CADPS: variants seen among roughly 807,000 people sequenced by gnomAD.
CADPS encodes the protein calcium dependent secretion activator.
CADPS carries 57 observed loss-of-function variants against 167.3 expected under a neutral mutation model. That is an observed-to-expected ratio of 0.34 (90% CI 0.28 to 0.42). The LOEUF is 0.42. CADPS is among the 20% of genes least tolerant of loss of function. CADPS has a pLI of 1.00. For missense variants in CADPS, 1,414 were observed against 1,738.1 expected (o/e 0.81, Z 3.32); for synonymous variants, 676 against 635.3 (o/e 1.06, Z -0.96).
chr3:62,857,746 T>A (rs559595099), intron 1 of CADPS, among the ~76,000 whole-genome samples: 1 of 152,170 alleles, frequency 6.6e-6, no homozygotes, highest in Non-Finnish European at 1.5e-5. Context: ...ATTAGGTGAC[T>A]TTTTAAAATT....
chr3:62,494,474 TTTAG>T (rs1391333604), intron 18 of CADPS, among the ~76,000 whole-genome samples: 1 of 152,214 alleles, frequency 6.6e-6, no homozygotes, highest in African/African-American at 2.4e-5. Context: ...GTACTTATTC[TTTAG>T]TTATTCAACT....
rs1482501999 is a variant in CADPS, at chr3:62,458,560, C to T, written c.3636+6807G>A. Among the ~76,000 whole-genome samples the T allele has an allele frequency of 1.3e-5, 2 of 152,140 alleles. No individual in the cohort carries two copies. Among genetic ancestry groups the T allele is most frequent in the Non-Finnish European group, 1.5e-5 (1 of 68,036 alleles). ...CTGGAGTGAAGTGGCACGATTTCAG[C>T]TCACTACAACCTCCGCCTCCCGAGT... On this transcript the variant is annotated intron_variant, in intron 26 of 29. Transcript: ENST00000383710. The surrounding 1 kb of genome is among the most constrained non-coding windows in gnomAD (Gnocchi z 4.6).
At chr3:62,859,933 G>A (rs997091134) in intron 1 of CADPS, among the ~76,000 whole-genome samples, 5 of 152,102 alleles carry the variant, frequency 3.3e-5, no homozygotes, top group Admixed American at 1.3e-4. Flanking sequence ...TCTTTGATGG[G>A]CCCTCTGCCT....
At chr3:62,538,541 C>T (rs1026904999) in intron 11 of CADPS, among the ~76,000 whole-genome samples, 4 of 152,148 alleles carry the variant, frequency 2.6e-5, no homozygotes, top group Admixed American at 1.3e-4. Flanking sequence ...ATCCATCCCT[C>T]GCCTCCCAAT....
intron 8 of CADPS, among the ~76,000 whole-genome samples, chr3:62,584,783 C>T (rs1419873246): frequency 6.6e-6 from 1 of 152,190 alleles, no homozygotes; most frequent in African/African-American, 2.4e-5. Flanking sequence ...GGTGGCCTCT[C>T]CCTGCTGCTC....
intron 1 of CADPS, among the ~76,000 whole-genome samples, chr3:62,839,845 G>A (rs1468395267): frequency 1.3e-5 from 2 of 152,164 alleles, no homozygotes; most frequent in Non-Finnish European, 1.5e-5. Flanking sequence ...GAATGACTTG[G>A]TGATTGATTA....
intron 9 of CADPS, among the ~76,000 whole-genome samples, chr3:62,567,841 C>T (rs546031778): frequency 5.9e-5 from 9 of 152,232 alleles, no homozygotes; most frequent in East Asian, 1.9e-4. Flanking sequence ...TCTCAAAGTG[C>T]TGGGATTACA....
chr3:62,743,235 G>C (rs1403694925), intron 3 of CADPS, among the ~76,000 whole-genome samples: 5 of 152,184 alleles, frequency 3.3e-5, no homozygotes, highest in Admixed American at 2.0e-4. Context: ...GTTATGATGT[G>C]ATAATTATTT....
intron 11 of CADPS, among the ~76,000 whole-genome samples, chr3:62,537,332 C>T (rs1003864043): frequency 5.3e-5 from 8 of 152,132 alleles, no homozygotes; most frequent in Non-Finnish European, 5.9e-5. Context: ...CTTTTCCTTA[C>T]GGGGTGAAGG....
intron 6 of CADPS, among the ~76,000 whole-genome samples, chr3:62,599,840 TTA>T (rs370096029): frequency 0.27 from 2,977 of 10,988 alleles, 203 homozygotes; most frequent in Middle Eastern, 0.5. Context: ...ATATAATATA[TTA>T]TATATATATA....
At chr3:62,594,120 GA>G (rs563049405) in intron 6 of CADPS, among the ~76,000 whole-genome samples, 2,723 of 150,556 alleles carry the variant, frequency 0.018, 57 homozygotes, top group Non-Finnish European at 0.023. Flanking sequence ...TGCTCATTAT[GA>G]TTTTTTTTAT....
chr3:62,449,221 C>G (rs1383489498), intron 26 of CADPS, among the ~76,000 whole-genome samples: 1 of 152,242 alleles, frequency 6.6e-6, no homozygotes, highest in Non-Finnish European at 1.5e-5. Flanking sequence ...CTCCACCTCA[C>G]TGGAGAAGCT....
intron 9 of CADPS, among the ~76,000 whole-genome samples, chr3:62,566,195 C>G (rs1258356064): frequency 2.0e-5 from 3 of 152,154 alleles, no homozygotes; most frequent in Non-Finnish European, 4.4e-5. Context: ...TCCAAGGCTG[C>G]CTGGGAGCAG....
At position 62,433,411 on chromosome 3, in the gene CADPS, T is replaced by A. The variant is rs999197749; in HGVS notation, c.3777+4693A>T. 5.9e-5 allele frequency among the ~76,000 whole-genome samples: 9 copies of A among 152,182 alleles called. No individual in the cohort carries two copies. Among genetic ancestry groups the A allele is most frequent in the Non-Finnish European group, 5.9e-5 (4 of 68,042 alleles). On this transcript the variant is annotated intron_variant, in intron 28 of 29. Transcript: ENST00000383710. The surrounding 1 kb of genome is among the most constrained non-coding windows in gnomAD (Gnocchi z 4.7). ...TGACCACACTGCTTGATTAAGTTCT[T>A]ACGAGGTGGTTTGGTAAGAGGCCCT...
intron 8 of CADPS, among the ~76,000 whole-genome samples, chr3:62,579,211 G>C (rs552293996): frequency 2.0e-5 from 3 of 152,182 alleles, no homozygotes; most frequent in African/African-American, 7.2e-5. Context: ...GTTAAGGTTG[G>C]ATCGAAAGCA....
At chr3:62,672,337 G>A (rs779863831) in intron 3 of CADPS, among the ~76,000 whole-genome samples, 5 of 152,118 alleles carry the variant, frequency 3.3e-5, no homozygotes, top group Non-Finnish European at 2.9e-5. Flanking sequence ...ATTTAACTCA[G>A]GCTTTGCAAG....
chr3:62,831,964 T>G (rs2075168734), intron 1 of CADPS, among the ~76,000 whole-genome samples: 1 of 152,210 alleles, frequency 6.6e-6, no homozygotes, highest in Admixed American at 6.5e-5. Context: ...GTATCAAAGC[T>G]AATTTTTGAA....
Position 62,806,503 on chromosome 3 carries a change from C to T in CADPS, c.442-40519G>A, listed in dbSNP as rs530790882. Among the ~76,000 whole-genome samples, 13 of 152,138 alleles carry T rather than the reference C, an allele frequency of 8.5e-5. 1 individual carries two copies. The highest frequency in any genetic ancestry group is 2.4e-4 in the African/African-American group (10 of 41,498). On this transcript the variant is annotated intron_variant, in intron 1 of 29. Transcript: ENST00000383710. The stretch of plus-strand genomic sequence containing the variant: ...GCTGTGATCTCCACTGCACTCCAGT[C>T]TGGACAACAGAGCAAAACCCTGTCT...
chr3:62,661,248 T>C (rs1211086439), intron 4 of CADPS, among the ~76,000 whole-genome samples: 1 of 152,134 alleles, frequency 6.6e-6, no homozygotes, highest in Non-Finnish European at 1.5e-5. Context: ...ATGATCACCA[T>C]TCGATGAGCT....
Sources: allele counts gnomAD v4.1 joint callset (sites outside exome capture counted in the v4.1 genomes callset), GRCh38; gene constraint gnomAD v4.1.1; non-coding constraint Gnocchi (gnomAD v3.1); transcripts MANE v1.5; gene names NCBI Gene and HGNC (gene_info 2026-07-23, HGNC 2026-07-21).